The following ZFHX3 variants were observed in gnomAD, a reference collection of about 807,000 sequenced individuals.
ZFHX3 encodes zinc finger homeobox protein 3.
ZFHX3 carries 42 observed loss-of-function variants against 279.1 expected under a neutral mutation model. The ratio of observed to expected loss-of-function variants is 0.15; its 90% CI spans 0.12 to 0.19. The LOEUF (loss-of-function observed/expected upper bound fraction) is 0.19, where lower values mean the gene tolerates loss of function less well. Ranked by LOEUF, ZFHX3 falls within the 10% of genes least tolerant of loss-of-function variation. The pLI is 1.00. For synonymous variants in ZFHX3, 2,293 were observed against 1,957.8 expected (o/e 1.17, Z -4.52); for missense variants, 4,981 against 4,754.0 (o/e 1.05, Z -1.40).
intron 4 of ZFHX3, among the ~76,000 whole-genome samples, chr16:72,844,582 T>G (rs1263290866): frequency 6.7e-6 from 1 of 150,316 alleles, no homozygotes. Flanking sequence ...GGTGGGGGGG[T>G]GGGTGTCCCT....
intron 4 of ZFHX3, among the ~76,000 whole-genome samples, chr16:73,275,256 C>G (rs2014263077): frequency 6.6e-6 from 1 of 152,164 alleles, no homozygotes; most frequent in African/African-American, 2.4e-5. Context: ...CTTTCTCTTC[C>G]TCTATTTTAC....
intron 3 of ZFHX3, among the ~76,000 whole-genome samples, chr16:73,411,310 T>A (rs4888252): frequency 1.3e-5 from 2 of 152,220 alleles, no homozygotes; most frequent in African/African-American, 4.8e-5. Flanking sequence ...GAGATTTGTG[T>A]ATTATTGTTA....
At chr16:73,250,356 T>C (rs549599421) in intron 5 of ZFHX3, among the ~76,000 whole-genome samples, 1 of 152,344 alleles carries the variant, frequency 6.6e-6, no homozygotes, top group South Asian at 2.1e-4. Flanking sequence ...TTGCTATATA[T>C]TCTAGCCGTT....
chr16:73,087,141 T>C (rs1390231379), intron 8 of ZFHX3, among the ~76,000 whole-genome samples: 1 of 152,092 alleles, frequency 6.6e-6, no homozygotes, highest in East Asian at 1.9e-4. Flanking sequence ...AAAATTTAAT[T>C]AAAAAGTATA....
At chr16:73,016,496 C>G (rs1597095026) in intron 1 of ZFHX3, among the ~76,000 whole-genome samples, 2 of 152,052 alleles carry the variant, frequency 1.3e-5, no homozygotes, top group East Asian at 3.9e-4. Flanking sequence ...GTAATTCAAG[C>G]AAAACTGGTT....
At chr16:73,140,950 G>A (rs569758681) in intron 6 of ZFHX3, among the ~76,000 whole-genome samples, 2 of 152,176 alleles carry the variant, frequency 1.3e-5, no homozygotes, top group African/African-American at 4.8e-5. Flanking sequence ...TGATGGAAGA[G>A]ATAAGAAGCC....
chr16:73,812,945 A>G (rs1181667235), intron 1 of ZFHX3, among the ~76,000 whole-genome samples: 1 of 152,230 alleles, frequency 6.6e-6, no homozygotes, highest in East Asian at 1.9e-4. Flanking sequence ...TCACTAGGGC[A>G]CCACATGAAA....
rs140453079 is a variant in ZFHX3, at chr16:73,125,958, T to C, written c.-897+5010A>G. On this transcript the variant is annotated intron_variant, in intron 7 of 17. Transcript: ENST00000641206. ...AGATAACTCAGTCAAGGTCATACAG[T>C]AATAAGAAATGGAGCCAGGATTTGA... is the stretch of plus-strand genomic sequence containing the variant. Among the ~76,000 whole-genome samples the C allele has an allele frequency of 2.3e-3, 353 of 152,088 alleles. 2 individuals carry two copies. The highest frequency in any genetic ancestry group is 7.9e-3 in the African/African-American group (328 of 41,464).
intron 1 of ZFHX3, among the ~76,000 whole-genome samples, chr16:73,003,511 G>GA (rs1409110204): frequency 2.1e-5 from 2 of 94,902 alleles, no homozygotes; most frequent in Admixed American, 1.3e-4. Context: ...AACATGGTGA[G>GA]ACCCCCCCCT....
intron 3 of ZFHX3, among the ~76,000 whole-genome samples, chr16:73,385,465 A>C (rs1203241419): frequency 6.6e-6 from 1 of 152,138 alleles, no homozygotes; most frequent in Non-Finnish European, 1.5e-5. Context: ...TATCACTTAT[A>C]GGCCCTGGCA....
intron 3 of ZFHX3, among the ~76,000 whole-genome samples, chr16:72,914,098 T>A (rs1014024514): frequency 2.0e-5 from 3 of 152,182 alleles, no homozygotes; most frequent in African/African-American, 7.2e-5. Context: ...GCTCTAGAGA[T>A]CATGCTGTCT....
rs2052173604 is a variant in ZFHX3 at position 73,605,834 on chromosome 16, A to C, written c.-1547+74346T>G. Among the ~76,000 whole-genome samples, 4 of 152,238 alleles carry C rather than the reference A, an allele frequency of 2.6e-5. No individual in the cohort carries two copies. The South Asian group carries it at 8.3e-4, about 32-fold the overall frequency. On this transcript the variant is annotated intron_variant, in intron 2 of 17. Transcript: ENST00000641206. ...CATATGGGTACTTATCAAACCATTT[A>C]AAATGTAACCACTTAAAAATATAAA...
At chr16:73,814,471 G>T (rs901869552) in intron 1 of ZFHX3, among the ~76,000 whole-genome samples, 4 of 152,106 alleles carry the variant, frequency 2.6e-5, no homozygotes, top group African/African-American at 9.7e-5. Context: ...TTGCTCCACA[G>T]GTAGACTTTT....
intron 3 of ZFHX3, among the ~76,000 whole-genome samples, chr16:73,391,184 C>T (rs183759554): frequency 1.3e-5 from 2 of 152,206 alleles, no homozygotes; most frequent in East Asian, 3.9e-4. Flanking sequence ...TCATTAAGAC[C>T]CTAGGTTTTG....
rs577256512 is a variant in ZFHX3 at position 73,612,300 on chromosome 16, T to C, written c.-1547+67880A>G. Among the ~76,000 whole-genome samples the C allele has an allele frequency of 4.6e-5, 7 of 152,266 alleles. 1 individual carries two copies. The East Asian group carries it at 9.7e-4, about 21-fold the overall frequency. ...GCTGCTCTATTGCACTGAAACCTCA[T>C]GAGGCAAGCTTCAGTCTTAGGCAAA... On this transcript the variant is annotated intron_variant, in intron 2 of 17. Coordinates refer to the ZFHX3 transcript ENST00000641206.
In ZFHX3 at chr16:73,785,220, G is replaced by A. The variant is rs7191980; in HGVS notation, c.-1607-104980C>T. Among the ~76,000 whole-genome samples, 249 of 152,230 alleles carry A rather than the reference G, an allele frequency of 1.6e-3. 1 individual carries two copies. Among genetic ancestry groups the A allele is most frequent in the African/African-American group, 5.6e-3 (234 of 41,532 alleles). ...TAAACATTATTCACAAATAAGCCAT[G>A]TGGTTTATTATAACTACAGTTCTTT... On this transcript the variant is annotated intron_variant, in intron 1 of 17. Coordinates refer to the ZFHX3 transcript ENST00000641206.
chr16:73,232,313 A>T (rs2012802262), intron 5 of ZFHX3: 2 of 152,130 alleles, frequency 1.3e-5, no homozygotes, highest in Admixed American at 6.6e-5. Flanking sequence ...ATCCGTATTG[A>T]TTATTCATTG....
upstream of ZFHX3, chr16:73,062,279 T>G (rs1359794856): frequency 6.6e-6 from 1 of 152,156 alleles, no homozygotes; most frequent in African/African-American, 2.4e-5. Flanking sequence ...CACAAAAATA[T>G]ATGCATAAAG....
At chr16:73,431,954 T>C (rs1015549746) in intron 3 of ZFHX3, among the ~76,000 whole-genome samples, 2 of 152,096 alleles carry the variant, frequency 1.3e-5, no homozygotes, top group Non-Finnish European at 2.9e-5. Context: ...ACAAGGGGAA[T>C]GTTTGGGTTT....
Sources: gnomAD v4.1 joint callset for allele counts (sites outside exome capture counted in the v4.1 genomes callset) on GRCh38, gnomAD v4.1.1 for gene constraint, MANE v1.5 for transcripts, NCBI Gene and HGNC (gene_info 2026-07-23, HGNC 2026-07-21) for gene names.